TMEM74: variants seen among roughly 807,000 people sequenced by gnomAD.
TMEM74 encodes the protein transmembrane protein 74.
In TMEM74, 13 loss-of-function variants were observed where a neutral mutation model predicts 18.1. The observed-to-expected ratio is 0.72, with a 90% CI of 0.47 to 1.14. The LOEUF (loss-of-function observed/expected upper bound fraction) is 1.14. Among genes scored for constraint, TMEM74 ranks in the 50% most tolerant of loss-of-function variants. TMEM74 has a pLI of 0.00. For missense variants in TMEM74, 372 were observed against 375.9 expected (o/e 0.99, Z 0.09); for synonymous variants, 159 against 146.6 (o/e 1.08, Z -0.61).
chr8:108,648,252 T>A (rs1474154775), intron 2 of TMEM74, among the ~76,000 whole-genome samples: 2 of 152,102 alleles, frequency 1.3e-5, no homozygotes, highest in East Asian at 3.9e-4. Context: ...TGGAAACTGC[T>A]TGTGCATTGG....
At chr8:108,774,960 C>T (rs1190800938), downstream of TMEM74, among the ~76,000 whole-genome samples, 2 of 151,952 alleles carry the variant, frequency 1.3e-5, no homozygotes, top group East Asian at 3.9e-4. Flanking sequence ...AGGACCCATC[C>T]AGAACATGCC....
At chr8:108,738,537 T>C (rs1813769992) in intron 1 of TMEM74, among the ~76,000 whole-genome samples, 1 of 152,170 alleles carries the variant, frequency 6.6e-6, no homozygotes, top group African/African-American at 2.4e-5. Context: ...ATATAGGCAT[T>C]ACACCTGTTT....
intron 1 of TMEM74, among the ~76,000 whole-genome samples, chr8:108,678,478 C>T (rs948452153): frequency 6.6e-6 from 1 of 151,564 alleles, no homozygotes; most frequent in Admixed American, 6.6e-5. Flanking sequence ...AATCCTCCTG[C>T]CTCAGCCTCT....
At chr8:108,692,903 G>A (rs1189784391) in intron 1 of TMEM74, among the ~76,000 whole-genome samples, 2 of 152,072 alleles carry the variant, frequency 1.3e-5, no homozygotes, top group African/African-American at 2.4e-5. Context: ...GAAAATACCT[G>A]TGAACTAGAC....
chr8:108,716,464 A>G (rs1813523876), intron 1 of TMEM74, among the ~76,000 whole-genome samples: 1 of 152,114 alleles, frequency 6.6e-6, no homozygotes. Context: ...TCTGACTCTG[A>G]GTCACAGAGA....
chr8:108,654,505 C>T (rs1812803004), intron 2 of TMEM74, among the ~76,000 whole-genome samples: 1 of 151,878 alleles, frequency 6.6e-6, no homozygotes, highest in Non-Finnish European at 1.5e-5. Context: ...ACACATAAAC[C>T]ACTTCAATCT....
At chr8:108,655,452 A>C (rs1177826850) in intron 1 of TMEM74, 1 of 152,152 alleles carries the variant, frequency 6.6e-6, no homozygotes, top group East Asian at 1.9e-4. Context: ...AAAATAAAAA[A>C]ATTAAAAAAA....
intron 2 of TMEM74, among the ~76,000 whole-genome samples, chr8:108,617,354 G>A (rs146160783): frequency 6.6e-6 from 1 of 152,222 alleles, no homozygotes; most frequent in East Asian, 1.9e-4. Context: ...TGAACTCAGT[G>A]TTAATGCTAC....
At chr8:108,713,916 G>A (rs78679644) in intron 1 of TMEM74, among the ~76,000 whole-genome samples, 1 of 152,304 alleles carries the variant, frequency 6.6e-6, no homozygotes, top group Non-Finnish European at 1.5e-5. Flanking sequence ...GGCCACTGGT[G>A]TAAGTCTTGG....
chr8:108,614,997 G>T (rs1214853623), intron 2 of TMEM74, among the ~76,000 whole-genome samples: 2 of 152,146 alleles, frequency 1.3e-5, no homozygotes. Flanking sequence ...AAAATAATAT[G>T]AGACCAAAGC....
At chr8:108,711,465 A>G (rs1813474875) in intron 1 of TMEM74, among the ~76,000 whole-genome samples, 1 of 152,224 alleles carries the variant, frequency 6.6e-6, no homozygotes, top group Non-Finnish European at 1.5e-5. Flanking sequence ...TAACTGATCT[A>G]ACCTCTACAA....
chr8:108,684,324 T>C (rs1302775555), intron 1 of TMEM74, among the ~76,000 whole-genome samples: 1 of 152,168 alleles, frequency 6.6e-6, no homozygotes. Flanking sequence ...TACCTCATTG[T>C]GGTTTTGATT....
intron 1 of TMEM74, among the ~76,000 whole-genome samples, chr8:108,672,369 A>G (rs1274796446): frequency 6.6e-6 from 1 of 152,220 alleles, no homozygotes; most frequent in African/African-American, 2.4e-5. Context: ...TCAATCATCC[A>G]GATGTTTCCA....
At chr8:108,735,241 TG>T (rs1384136712) in intron 1 of TMEM74, among the ~76,000 whole-genome samples, 1 of 152,214 alleles carries the variant, frequency 6.6e-6, no homozygotes, top group African/African-American at 2.4e-5. Flanking sequence ...CCTATTTAAT[TG>T]TATAATTCAA....
rs1037250254 is a variant in TMEM74, at chr8:108,780,929, C to T, written c.*3252G>A. The stretch of plus-strand genomic sequence containing the variant: ...ACAGCGCTGCAAAGAAAACTCTTTG[C>T]AAACTCTACCACTAACAGTTTAAGG... On this transcript the variant is annotated 3_prime_UTR_variant, in exon 2 of 2. Transcript: ENST00000297459. Among the ~76,000 whole-genome samples, 2 of 152,114 alleles carry T rather than the reference C, an allele frequency of 1.3e-5. No individual in the cohort carries two copies. Among genetic ancestry groups the T allele is most frequent in the African/African-American group, 4.8e-5 (2 of 41,424 alleles).
chr8:108,776,896 C>CAG (rs1814240511), downstream of TMEM74, among the ~76,000 whole-genome samples: 1 of 152,092 alleles, frequency 6.6e-6, no homozygotes, highest in African/African-American at 2.4e-5. Context: ...CAGTAATCAT[C>CAG]TGACAATTGG....
At chr8:108,647,771 A>AT (rs1168929779) in intron 2 of TMEM74, among the ~76,000 whole-genome samples, 3 of 152,126 alleles carry the variant, frequency 2.0e-5, no homozygotes, top group African/African-American at 7.2e-5. Context: ...ATGGTCTAGG[A>AT]TGAAAGGCAA....
intron 1 of TMEM74, among the ~76,000 whole-genome samples, chr8:108,659,844 C>A (rs531399712): frequency 5.3e-5 from 8 of 152,118 alleles, no homozygotes; most frequent in Non-Finnish European, 2.9e-5. Flanking sequence ...GCCATCTCAC[C>A]TAAGACCATG....
intron 1 of TMEM74, among the ~76,000 whole-genome samples, chr8:108,747,535 TTCTC>T (rs368524691): frequency 2.7e-4 from 40 of 150,062 alleles, no homozygotes; most frequent in South Asian, 6.3e-4. Flanking sequence ...AGAAGCACAC[TTCTC>T]TCTCTCTCTC....
Sources: allele counts gnomAD v4.1 joint callset (sites outside exome capture counted in the v4.1 genomes callset), GRCh38; gene constraint gnomAD v4.1.1; transcripts MANE v1.5; gene names NCBI Gene and HGNC (gene_info 2026-07-23, HGNC 2026-07-21).